Variants in USP47 observed in about 807,000 individuals in gnomAD.
The protein encoded by USP47 is ubiquitin specific peptidase 47.
A neutral mutation model predicts 165.1 loss-of-function variants in USP47; 35 were observed. That is an observed-to-expected ratio of 0.21 (90% confidence interval 0.16 to 0.28). USP47 has a LOEUF of 0.28. USP47 is among the 10% of genes least tolerant of loss of function. The pLI is 1.00. For synonymous variants in USP47, 531 were observed against 544.5 expected, an observed-to-expected ratio of 0.98 and a Z score of 0.35; for missense variants, 1,277 against 1,607.4, an observed-to-expected ratio of 0.79 and a Z score of 3.52.
intron 1 of USP47, among the ~76,000 whole-genome samples, chr11:11,844,662 T>TTCC (rs1204778529): frequency 3.3e-5 from 5 of 152,246 alleles, no homozygotes; most frequent in African/African-American, 1.2e-4. Flanking sequence ...TATGTGAAAA[T>TTCC]AAATGGCAAA....
At chr11:11,914,288 G>A (rs1190501607) in intron 8 of USP47, among the ~76,000 whole-genome samples, 2 of 152,038 alleles carry the variant, frequency 1.3e-5, no homozygotes, top group African/African-American at 4.8e-5. Context: ...AGACACAAAA[G>A]CAAGTCAATG....
At position 11,892,283 on chromosome 11, in the gene USP47, C is replaced by T. The variant is rs970895232; in HGVS notation, c.496+177C>T. Among the ~76,000 whole-genome samples the T allele has an allele frequency of 5.3e-5, 8 of 151,790 alleles. No homozygotes were observed. The South Asian group carries it at 1.5e-3, about 28-fold the overall frequency. The stretch of plus-strand genomic sequence containing the variant: ...TGGTTTACTTTTCCTTCAACCCACT[C>T]GTTTCTACTATATTGCTGCTGCCAC... On this transcript the variant is annotated intron_variant, in intron 4 of 27. Coordinates refer to ENST00000527733, the MANE Select transcript of USP47 (RefSeq NM_001282659.2).
intron 8 of USP47, among the ~76,000 whole-genome samples, chr11:11,906,674 T>C (rs1270546617): frequency 6.6e-6 from 1 of 152,188 alleles, no homozygotes; most frequent in South Asian, 2.1e-4. Flanking sequence ...TTGAAAAGTT[T>C]TTTAGATGTT....
chr11:11,941,406 A>G (rs952633641), intron 19 of USP47, among the ~76,000 whole-genome samples: 1 of 152,066 alleles, frequency 6.6e-6, no homozygotes, highest in African/African-American at 2.4e-5. Flanking sequence ...GAATAGGATA[A>G]TGATAGTGTT....
At position 11,892,083 on chromosome 11, in the gene USP47, C is replaced by A. The variant is rs767592598; in HGVS notation, c.473C>A (p.Ser158Tyr). Residue 158 changes from serine (S) to tyrosine (Y), a missense_variant, in exon 4 of 28, where the codon TCT (serine) becomes TAT (tyrosine). Ser to Tyr is a moderately radical substitution (Grantham distance 144, BLOSUM62 -2). Coordinates refer to ENST00000527733, the MANE Select transcript of USP47 (RefSeq NM_001282659.2). Reference protein sequence around the residue: ...DYVSQSYSYSSILNKSETGYV... With the variant: ...DYVSQSYSYSYILNKSETGYV... Reference sequence around the variant, plus strand: ...GTCAGCCAAAGCTACTCCTACTCATCTATTTTGAATAAATCAGAAACTGGT... The same window carrying A: ...GTCAGCCAAAGCTACTCCTACTCATATATTTTGAATAAATCAGAAACTGGT... 1 of 1,613,414 alleles carries A rather than the reference C, an allele frequency of 6.2e-7. No individual in the cohort carries two copies. The highest frequency in any genetic ancestry group is 8.5e-7 in the Non-Finnish European group (1 of 1,179,732).
chr11:11,897,655 A>G lies in USP47; in HGVS notation c.555A>G (p.Thr185=). 2.5e-6 allele frequency: 4 copies of G among 1,611,402 alleles called. No homozygotes were observed. Among genetic ancestry groups the G allele is most frequent in the Non-Finnish European group, 2.5e-6 (3 of 1,178,494 alleles). Residue 185 remains threonine (T), a synonymous_variant, in exon 5 of 28, where the codon ACA becomes ACG. Coordinates refer to ENST00000527733, the MANE Select transcript of USP47 (RefSeq NM_001282659.2). ...MTCYLNSLLQ[T]LFMTPEFRNA... ...GCTATTTGAATAGCCTTTTGCAAAC[A>G]CTTTTTATGACTCCTGAATTTAGGA...
intron 27 of USP47, 36 bp from the exon 28 acceptor site, chr11:11,955,965 T>C: frequency 6.7e-7 from 1 of 1,493,106 alleles, no homozygotes; most frequent in Non-Finnish European, 9.0e-7. Context: ...TGGAGGGCTC[T>C]ACTGGACTAA....
intron 1 of USP47, among the ~76,000 whole-genome samples, chr11:11,855,398 T>A (rs1848982802): frequency 6.6e-6 from 1 of 152,180 alleles, no homozygotes; most frequent in South Asian, 2.1e-4. Context: ...TCCCTGTCAG[T>A]GGTACTATGA....
chr11:11,928,172 C>T (rs1854392123), intron 11 of USP47, among the ~76,000 whole-genome samples: 1 of 151,858 alleles, frequency 6.6e-6, no homozygotes, highest in Admixed American at 6.6e-5. Flanking sequence ...ATAAGATATT[C>T]ATATCATTCA....
chr11:11,959,829 A>G lies in USP47; in HGVS notation c.*3654A>G, dbSNP rs1847376063. Among the ~76,000 whole-genome samples the G allele has an allele frequency of 6.6e-6, 1 of 152,092 alleles. No homozygotes were observed. ...GATCTCAACTGAGTGTCAGCTCACC[A>G]GGTCAGAAATTGTTATTGGACCCTA... On this transcript the variant is annotated 3_prime_UTR_variant, in exon 28 of 28. Transcript: ENST00000527733.
rs561207942 is a variant in USP47, at chr11:11,849,334, A to G, written c.39+7110A>G. ...TATTAAATTAGCCAAGTGGTTATCA[A>G]TTGGGGCCCATTTTCTCTCCAGAGG... On this transcript the variant is annotated intron_variant, in intron 1 of 27. Transcript: ENST00000527733. 1.5e-4 allele frequency among the ~76,000 whole-genome samples: 23 copies of G among 152,304 alleles called. 1 individual carries two copies. The South Asian group carries it at 2.7e-3, about 18-fold the overall frequency.
chr11:11,868,849 G>A (rs1010946027), intron 1 of USP47, among the ~76,000 whole-genome samples: 1 of 151,018 alleles, frequency 6.6e-6, no homozygotes, highest in African/African-American at 2.4e-5. Flanking sequence ...TTTCATTTTG[G>A]TATTAATTTG....
intron 18 of USP47, among the ~76,000 whole-genome samples, chr11:11,938,694 A>C (rs149280196): frequency 2.7e-4 from 41 of 152,142 alleles, no homozygotes; most frequent in Non-Finnish European, 5.4e-4. Flanking sequence ...GTAGGCAATA[A>C]GTCGAGTTTT....
At chr11:11,888,048 G>A (rs899392537) in intron 3 of USP47, among the ~76,000 whole-genome samples, 9 of 152,076 alleles carry the variant, frequency 5.9e-5, no homozygotes, top group Non-Finnish European at 1.2e-4. Flanking sequence ...AGAATTTCTG[G>A]GATGCAGCTA....
intron 16 of USP47, among the ~76,000 whole-genome samples, chr11:11,934,763 G>A (rs1260524407): frequency 2.0e-5 from 3 of 149,300 alleles, no homozygotes; most frequent in Non-Finnish European, 4.4e-5. Flanking sequence ...AGGCAAATGG[G>A]GTCACTGCTG....
intron 11 of USP47, among the ~76,000 whole-genome samples, 175 bp downstream of exon 11, chr11:11,923,066 A>G (rs1032662873): frequency 3.9e-5 from 5 of 129,250 alleles, no homozygotes; most frequent in East Asian, 4.1e-4. Flanking sequence ...ATATATATAT[A>G]TATATATATA....
Position 11,910,321 on chromosome 11 carries a change from A to G in USP47, c.969+4773A>G, listed in dbSNP as rs566139774. ...ATATATCCCAGGCTTGGAACTGAAG[A>G]AGCTGGCAGCCTGGAAACAGCAATG... On this transcript the variant is annotated intron_variant, in intron 8 of 27. Transcript: ENST00000527733. Among the ~76,000 whole-genome samples, 5 of 152,266 alleles carry G rather than the reference A, an allele frequency of 3.3e-5. No individual in the cohort carries two copies. In the South Asian group the frequency reaches 1.0e-3, roughly 32 times the overall value.
chr11:11,918,329 A>T (rs909355108), intron 8 of USP47, among the ~76,000 whole-genome samples: 1 of 152,126 alleles, frequency 6.6e-6, no homozygotes, highest in Non-Finnish European at 1.5e-5. Flanking sequence ...AGATTAAAGG[A>T]ATCTCAAGAG....
At chr11:11,883,134 A>T (rs1164949843) in intron 2 of USP47, among the ~76,000 whole-genome samples, 2 of 152,158 alleles carry the variant, frequency 1.3e-5, no homozygotes, top group Non-Finnish European at 1.5e-5. Context: ...TGATCTGATC[A>T]TGTCCCACCA....
Sources: gnomAD v4.1 joint callset for allele counts (sites outside exome capture counted in the v4.1 genomes callset) on GRCh38, gnomAD v4.1.1 for gene constraint, MANE v1.5 for transcripts, NCBI Gene and HGNC (gene_info 2026-07-23, HGNC 2026-07-21) for gene names.